KCNIP4: variants seen among roughly 807,000 people sequenced by gnomAD.
KCNIP4 encodes the protein Kv channel-interacting protein 4.
In KCNIP4, 12 loss-of-function variants were observed where a neutral mutation model predicts 34.0. The ratio of observed to expected loss-of-function variants is 0.35; its 90% CI spans 0.23 to 0.57. The LOEUF (loss-of-function observed/expected upper bound fraction) is 0.57. Ranked by LOEUF, KCNIP4 falls within the 20% of genes least tolerant of loss-of-function variation. The pLI, the probability that KCNIP4 is intolerant of heterozygous loss-of-function variation, is 0.83. For missense variants in KCNIP4, 238 were observed against 311.7 expected (o/e 0.76, Z 1.78); for synonymous variants, 124 against 102.2 (o/e 1.21, Z -1.29).
chr4:20,798,497 C>CCA (rs373960573), intron 3 of KCNIP4, among the ~76,000 whole-genome samples: 4,603 of 149,944 alleles, frequency 0.031, 187 homozygotes, highest in African/African-American at 0.095. Context: ...CTTCTTTCTA[C>CCA]CACACACACA....
chr4:21,552,137 G>A (rs954200072), intron 1 of KCNIP4, among the ~76,000 whole-genome samples: 24 of 151,640 alleles, frequency 1.6e-4, no homozygotes, highest in African/African-American at 5.6e-4. Flanking sequence ...AATTAGTGCA[G>A]TAAAGTTTTA....
At chr4:21,337,262 C>T (rs34762103) in intron 1 of KCNIP4, among the ~76,000 whole-genome samples, 8,314 of 152,180 alleles carry the variant, frequency 0.055, 436 homozygotes, top group East Asian at 0.2. Flanking sequence ...TTATCGATAA[C>T]TTGATTTTTA....
intron 1 of KCNIP4, among the ~76,000 whole-genome samples, chr4:21,178,358 TTTAC>T (rs1754584521): frequency 6.6e-6 from 1 of 152,162 alleles, no homozygotes; most frequent in Non-Finnish European, 1.5e-5. Context: ...TTGTTGATGT[TTTAC>T]TTGTCTAGAG....
At chr4:21,316,693 C>G (rs1713801484) in intron 1 of KCNIP4, among the ~76,000 whole-genome samples, 1 of 152,140 alleles carries the variant, frequency 6.6e-6, no homozygotes, top group African/African-American at 2.4e-5. Context: ...AGCAAAATAG[C>G]TAGCTAGTTG....
chr4:21,431,784 A>C (rs1474562322), intron 1 of KCNIP4, among the ~76,000 whole-genome samples: 1 of 151,784 alleles, frequency 6.6e-6, no homozygotes, highest in Non-Finnish European at 1.5e-5. Context: ...CTGAACTACC[A>C]CTGCCAGGAC....
At chr4:21,155,860 T>C (rs1753110258) in intron 1 of KCNIP4, among the ~76,000 whole-genome samples, 1 of 152,206 alleles carries the variant, frequency 6.6e-6, no homozygotes. Context: ...TCTGCTCTTA[T>C]AATGTTTATA....
intron 1 of KCNIP4, among the ~76,000 whole-genome samples, chr4:21,090,165 C>T (rs564954730): frequency 7.9e-5 from 12 of 152,246 alleles, no homozygotes; most frequent in East Asian, 3.9e-4. Context: ...CTTCCCTCAC[C>T]GAGCTCATCT....
chr4:21,345,237 T>A (rs1284826416), intron 1 of KCNIP4, among the ~76,000 whole-genome samples: 1 of 152,084 alleles, frequency 6.6e-6, no homozygotes, highest in African/African-American at 2.4e-5. Context: ...TATGGAGAAG[T>A]CCATGTGGTG....
rs113539232 is a variant in KCNIP4 at position 20,999,753 on chromosome 4, A to C, written c.62-117044T>G. Among the ~76,000 whole-genome samples the C allele has an allele frequency of 5.3e-5, 8 of 152,266 alleles. 2 individuals carry two copies. Among genetic ancestry groups the C allele is most frequent in the African/African-American group, 1.9e-4 (8 of 41,558 alleles). On this transcript the variant is annotated intron_variant, in intron 1 of 8. Coordinates refer to ENST00000382152, the MANE Select transcript of KCNIP4 (RefSeq NM_025221.6). Reference sequence around the variant, plus strand: ...AATGAACCACTAGGGCTGGAGAGGAAAAGAGTACAAGATGATATTCAAGTT... The same window carrying C: ...AATGAACCACTAGGGCTGGAGAGGACAAGAGTACAAGATGATATTCAAGTT...
chr4:20,741,027 C>T (rs1553886378), intron 5 of KCNIP4, among the ~76,000 whole-genome samples: 1 of 152,112 alleles, frequency 6.6e-6, no homozygotes, highest in Non-Finnish European at 1.5e-5. Context: ...GCTAACTATC[C>T]TAAATATATA....
At chr4:20,971,619 G>A (rs1042647677) in intron 1 of KCNIP4, among the ~76,000 whole-genome samples, 1 of 152,166 alleles carries the variant, frequency 6.6e-6, no homozygotes, top group Non-Finnish European at 1.5e-5. Context: ...TAACAATCAT[G>A]TTTCTTCAGC....
intron 1 of KCNIP4, among the ~76,000 whole-genome samples, chr4:21,502,633 T>A (rs1268876353): frequency 1.3e-5 from 2 of 152,212 alleles, no homozygotes; most frequent in Admixed American, 1.3e-4. Context: ...GTTATCTTTA[T>A]CCGAAATGTT....
chr4:21,922,969 T>G (rs544510735), intron 1 of KCNIP4, among the ~76,000 whole-genome samples: 1 of 152,182 alleles, frequency 6.6e-6, no homozygotes, highest in African/African-American at 2.4e-5. Context: ...GGACACTGCT[T>G]CCAAGTATCT....
chr4:21,585,619 C>G (rs1187711055), intron 1 of KCNIP4, among the ~76,000 whole-genome samples: 2 of 151,904 alleles, frequency 1.3e-5, no homozygotes, highest in Non-Finnish European at 2.9e-5. Flanking sequence ...AAAAATATGC[C>G]TGAAAACTCA....
At chr4:21,853,559 C>T (rs1003582355) in intron 1 of KCNIP4, among the ~76,000 whole-genome samples, 2 of 152,100 alleles carry the variant, frequency 1.3e-5, no homozygotes, top group African/African-American at 4.8e-5. Context: ...CCCTCATGAC[C>T]CAATCACTTC....
At chr4:21,322,145 G>GAC (rs1714558735) in intron 1 of KCNIP4, among the ~76,000 whole-genome samples, 1 of 138,140 alleles carries the variant, frequency 7.2e-6, no homozygotes, top group African/African-American at 2.7e-5. Context: ...AGGAGGGAGG[G>GAC]AGGGACAGAA....
chr4:21,010,896 C>T (rs1739005084), intron 1 of KCNIP4, among the ~76,000 whole-genome samples: 1 of 152,116 alleles, frequency 6.6e-6, no homozygotes, highest in Non-Finnish European at 1.5e-5. Flanking sequence ...CTAATTGATG[C>T]TACCACTTCA....
At chr4:21,331,960 G>C (rs1295542618) in intron 1 of KCNIP4, among the ~76,000 whole-genome samples, 1 of 151,986 alleles carries the variant, frequency 6.6e-6, no homozygotes, top group Non-Finnish European at 1.5e-5. Context: ...CACATAGTAG[G>C]TCCTTAGTCA....
At chr4:21,174,990 T>G (rs922134274) in intron 1 of KCNIP4, among the ~76,000 whole-genome samples, 2 of 152,142 alleles carry the variant, frequency 1.3e-5, no homozygotes, top group Non-Finnish European at 2.9e-5. Context: ...TTTGTTACTT[T>G]TTTTTACAGA....
Sources: allele counts gnomAD v4.1 joint callset (sites outside exome capture counted in the v4.1 genomes callset), GRCh38; gene constraint gnomAD v4.1.1; transcripts MANE v1.5; gene names NCBI Gene and HGNC (gene_info 2026-07-23, HGNC 2026-07-21).